Variants in BRSK2 observed in about 807,000 individuals in gnomAD.
The protein encoded by BRSK2 is serine/threonine-protein kinase BRSK2.
In BRSK2, 19 loss-of-function variants were observed where a neutral mutation model predicts 83.3. The ratio of observed to expected loss-of-function variants is 0.23; its 90% CI spans 0.16 to 0.33. BRSK2 has a LOEUF of 0.33. Ranked by LOEUF, BRSK2 falls within the 10% of genes least tolerant of loss-of-function variation. The pLI is 1.00. For synonymous variants in BRSK2, 519 were observed against 435.4 expected, an observed-to-expected ratio of 1.19 and a Z score of -2.39; for missense variants, 798 against 1,042.3, an observed-to-expected ratio of 0.77 and a Z score of 3.23.
At chr11:1,453,233 G>A (rs1846022923) in intron 15 of BRSK2, among the ~76,000 whole-genome samples, 1 of 152,276 alleles carries the variant, frequency 6.6e-6, no homozygotes, top group African/African-American at 2.4e-5. Context: ...CCACGTGGGT[G>A]CTGGAGTCAC....
intron 1 of BRSK2, among the ~76,000 whole-genome samples, chr11:1,409,056 A>G (rs11025811): frequency 0.31 from 46,777 of 151,892 alleles, 7,289 homozygotes; most frequent in Middle Eastern, 0.44. Flanking sequence ...CTGTACAGGG[A>G]TGTGTGTGTA....
At position 1,390,918 on chromosome 11, in the gene BRSK2, G is replaced by C. The variant is rs1029480362; in HGVS notation, c.91+543G>C. ...CCTGCAGAGGGCTGGACAGCGCCTT[G>C]CGCTGCTCCGGCTCGGGCTCGGGCG... is the stretch of plus-strand genomic sequence containing the variant. On this transcript the variant is annotated intron_variant, in intron 1 of 19. Transcript: ENST00000528841. This position sits in a 1 kb window ranked among gnomAD's most constrained non-coding sequence, Gnocchi z 6.8. 6.6e-6 allele frequency among the ~76,000 whole-genome samples: 1 copy of C among 152,218 alleles called. No individual in the cohort carries two copies. Among genetic ancestry groups the C allele is most frequent in the African/African-American group, 2.4e-5 (1 of 41,464 alleles).
intron 4 of BRSK2, among the ~76,000 whole-genome samples, chr11:1,441,385 T>G (rs1206421262): frequency 3.0e-5 from 1 of 33,642 alleles, no homozygotes; most frequent in African/African-American, 1.4e-4. Flanking sequence ...CCCCATTAGC[T>G]GCCCCTCAAG....
chr11:1,413,733 C>A (rs1847808574), intron 1 of BRSK2, among the ~76,000 whole-genome samples: 2 of 152,186 alleles, frequency 1.3e-5, no homozygotes, highest in African/African-American at 2.4e-5. Flanking sequence ...AAAGGAGGGG[C>A]CTGAGCTGAG....
At chr11:1,404,860 G>T (rs1846728929) in intron 1 of BRSK2, among the ~76,000 whole-genome samples, 2 of 152,144 alleles carry the variant, frequency 1.3e-5, no homozygotes, top group African/African-American at 4.8e-5. Flanking sequence ...TGGGGGCAGG[G>T]CTCAGCACTC....
chr11:1,456,991 C>T (rs750047030), intron 18 of BRSK2: 1 of 1,597,220 alleles, frequency 6.3e-7, no homozygotes. Context: ...AGCTGGGGTG[C>T]TGGGCTTAAG....
At position 1,461,350 on chromosome 11, in the gene BRSK2, G is replaced by GCCGCGCCCCGC; in HGVS notation, c.*628_*629insCGCGCCCCGCC. The GCCGCGCCCCGC allele has an allele frequency of 2.7e-6, 1 of 365,312 alleles. No individual in the cohort carries two copies. The highest frequency in any genetic ancestry group is 7.9e-4 in the Middle Eastern group (1 of 1,262). The allele number at this position is 365,312 out of a possible 1,614,324, so 22.6% of individuals were successfully genotyped here. ...CGCAGGCCCGTGCCCCGCCTCCCTG[G>GCCGCGCCCCGC]CTGCGCCGCCTCCGTGTAGTCTTGG... On this transcript the variant is annotated 3_prime_UTR_variant, in exon 20 of 20. Coordinates refer to ENST00000528841, the MANE Select transcript of BRSK2 (RefSeq NM_001256627.2).
In BRSK2 at chr11:1,445,438, G is replaced by A. The variant is rs747409444; in HGVS notation, c.957G>A (p.Leu319=). 7 of 1,611,760 alleles carry A rather than the reference G, an allele frequency of 4.3e-6. No individual in the cohort carries two copies. The highest frequency in any genetic ancestry group is 5.9e-6 in the Non-Finnish European group (7 of 1,179,672). The change falls in exon 10 of 20, where the codon CTG becomes CTA. Residue 319 remains leucine (L), a synonymous_variant. Coordinates refer to ENST00000528841, the MANE Select transcript of BRSK2 (RefSeq NM_001256627.2). ...LGCFRDRNKL[L]QDLLSEEENQ... is the part of the protein sequence containing the mutation. Reference sequence around the variant, plus strand: ...GCTTCCGAGACCGCAACAAGCTGCTGCAGGACCTGCTGTCCGAGGAGTGCG... The same window carrying A: ...GCTTCCGAGACCGCAACAAGCTGCTACAGGACCTGCTGTCCGAGGAGTGCG...
In BRSK2 at chr11:1,460,825, C is replaced by G; in HGVS notation, c.*102C>G. 6.6e-7 allele frequency: 1 copy of G among 1,523,980 alleles called. No individual in the cohort carries two copies. Among genetic ancestry groups the G allele is most frequent in the Non-Finnish European group, 8.8e-7 (1 of 1,140,200 alleles). 94.4% of individuals were successfully genotyped at this position (1,523,980 alleles called of 1,614,324 possible). A position where few individuals can be genotyped will look rare whatever the true frequency, so the allele number is the denominator to read the frequency against. On this transcript the variant is annotated 3_prime_UTR_variant, in exon 20 of 20. Transcript: ENST00000528841. ...ACCCGCGGCCGCGCCGCCCGTCCGT[C>G]CAGACTGTTCTCAGAGCCTGGGAGG...
At chr11:1,446,982 G>A (rs1852232379) in intron 12 of BRSK2, among the ~76,000 whole-genome samples, 1 of 152,130 alleles carries the variant, frequency 6.6e-6, no homozygotes, top group Non-Finnish European at 1.5e-5. Context: ...CAGCCATCAG[G>A]CTAAACCTGT....
intron 1 of BRSK2, among the ~76,000 whole-genome samples, chr11:1,403,552 G>A (rs745832525): frequency 6.6e-6 from 1 of 152,240 alleles, no homozygotes; most frequent in Non-Finnish European, 1.5e-5. Flanking sequence ...AGGGGCCCAG[G>A]CGGTTGGAGC....
chr11:1,437,410 G>A (rs1850463835), intron 2 of BRSK2, among the ~76,000 whole-genome samples: 2 of 152,282 alleles, frequency 1.3e-5, no homozygotes, highest in African/African-American at 2.4e-5. Flanking sequence ...CCACTGACAC[G>A]GCCACTTCTT....
At chr11:1,407,706 G>C (rs905282089) in intron 1 of BRSK2, among the ~76,000 whole-genome samples, 2 of 152,240 alleles carry the variant, frequency 1.3e-5, no homozygotes, top group African/African-American at 4.8e-5. Context: ...GTTTCATCGG[G>C]CTAATCTTTC....
Position 1,462,019 on chromosome 11 carries a change from G to A in BRSK2, c.*1296G>A, listed in dbSNP as rs1347615608. 6.6e-6 allele frequency: 1 copy of A among 152,168 alleles called. No individual in the cohort carries two copies. Among genetic ancestry groups the A allele is most frequent in the African/African-American group, 2.4e-5 (1 of 41,432 alleles). 9.4% of individuals were successfully genotyped at this position (152,168 alleles called of 1,614,324 possible). A position where few individuals can be genotyped will look rare whatever the true frequency, so the allele number is the denominator to read the frequency against. The stretch of plus-strand genomic sequence containing the variant: ...TTGGTTTTGTGTCCAAAGGTGAAGG[G>A]GTAGGAGGAGGGCCCTCAGCTGGCC... On this transcript the variant is annotated 3_prime_UTR_variant, in exon 20 of 20. Coordinates refer to ENST00000528841, the MANE Select transcript of BRSK2 (RefSeq NM_001256627.2).
At chr11:1,435,037 C>T (rs899641308) in intron 1 of BRSK2, among the ~76,000 whole-genome samples, 20 of 151,326 alleles carry the variant, frequency 1.3e-4, no homozygotes, top group Non-Finnish European at 1.0e-4. Flanking sequence ...GTGTGCCCAG[C>T]CAAGGCACAT....
Position 1,460,680 on chromosome 11 carries a change from C to T in BRSK2, c.2168C>T (p.Thr723Met), listed in dbSNP as rs980653723. 1.6e-5 allele frequency: 24 copies of T among 1,520,670 alleles called. No individual in the cohort carries two copies. The highest frequency in any genetic ancestry group is 1.4e-4 in the Admixed American group (7 of 50,074). The allele number at this position is 1,520,670 out of a possible 1,614,324, so 94.2% of individuals were successfully genotyped here. ...GCCGAGTACCCAACGGGCAAGGACA[C>T]GGCCAAGATGGGCCCGCCCACCGCC... is the stretch of plus-strand genomic sequence containing the variant. The part of the protein sequence containing the change: ...GDAEYPTGKD[T>M]AKMGPPTARR... Residue 723 changes from threonine to methionine, a missense_variant, in exon 20 of 20, where the codon ACG (threonine) becomes ATG (methionine). Thr to Met is a moderately conservative substitution (Grantham distance 81). Transcript: ENST00000528841.
chr11:1,397,260 T>TG (rs1390156594), intron 1 of BRSK2, among the ~76,000 whole-genome samples: 1 of 152,144 alleles, frequency 6.6e-6, no homozygotes, highest in Non-Finnish European at 1.5e-5. Flanking sequence ...GCCAGCTGCC[T>TG]GGGGCTCTGG....
chr11:1,394,106 A>C (rs1325606779), intron 1 of BRSK2, among the ~76,000 whole-genome samples: 2 of 108,622 alleles, frequency 1.8e-5, no homozygotes, highest in African/African-American at 3.8e-5. Context: ...GAGATGGGCC[A>C]TGGAGATGGG....
At chr11:1,451,639 G>A (rs896820248) in intron 15 of BRSK2, among the ~76,000 whole-genome samples, 12 of 152,342 alleles carry the variant, frequency 7.9e-5, no homozygotes, top group Admixed American at 7.2e-4. Flanking sequence ...CTGTTGAGAA[G>A]CTTCAGGCCT....
Sources: allele counts gnomAD v4.1 joint callset (sites outside exome capture counted in the v4.1 genomes callset), GRCh38; gene constraint gnomAD v4.1.1; non-coding constraint Gnocchi (gnomAD v3.1); transcripts MANE v1.5; gene names NCBI Gene and HGNC (gene_info 2026-07-23, HGNC 2026-07-21).